The following ARAP2 variants were observed in gnomAD, a reference collection of about 807,000 sequenced individuals.
ARAP2 encodes ArfGAP with RhoGAP domain, ankyrin repeat and PH domain 2.
A neutral mutation model predicts 194.5 loss-of-function variants in ARAP2; 148 were observed. The ratio of observed to expected loss-of-function variants is 0.76; its 90% CI spans 0.67 to 0.87. The LOEUF (loss-of-function observed/expected upper bound fraction) is 0.87. Among genes scored for constraint, ARAP2 ranks in the 40% least tolerant of loss-of-function variants. The pLI is 0.00. For missense variants in ARAP2, 2,128 were observed against 1,989.7 expected (o/e 1.07, Z -1.32); for synonymous variants, 695 against 683.5 (o/e 1.02, Z -0.26).
chr4:36,055,511 G>C (rs41516250), intron 2 of ARAP2, among the ~76,000 whole-genome samples: 1,899 of 152,082 alleles, frequency 0.012, 44 homozygotes, highest in African/African-American at 0.043. Flanking sequence ...TCATAGTGTG[G>C]GAAGTGACTG....
At chr4:36,164,801 C>G (rs1734888215) in intron 11 of ARAP2, 113 bp downstream of exon 11, 1 of 1,005,178 alleles carries the variant, frequency 9.9e-7, no homozygotes, top group African/African-American at 1.6e-5. Flanking sequence ...AATAAGCTTT[C>G]TCTGGTTTTA....
intron 9 of ARAP2, among the ~76,000 whole-genome samples, chr4:36,171,684 AT>A (rs1277632841): frequency 6.6e-6 from 1 of 152,150 alleles, no homozygotes; most frequent in Non-Finnish European, 1.5e-5. Flanking sequence ...TAAAAAAAAA[AT>A]GTTTAAAAGA....
At chr4:36,180,681 A>G (rs557143661) in intron 8 of ARAP2, among the ~76,000 whole-genome samples, 137 of 152,202 alleles carry the variant, frequency 9.0e-4, no homozygotes, top group Non-Finnish European at 1.4e-3. Context: ...TATGGCTTTT[A>G]GATTACTGTT....
intron 8 of ARAP2, among the ~76,000 whole-genome samples, chr4:36,185,414 A>G (rs181589202): frequency 6.6e-5 from 10 of 152,262 alleles, no homozygotes; most frequent in Non-Finnish European, 1.3e-4. Flanking sequence ...TGGTGACATC[A>G]TAAACCACTA....
At chr4:36,145,862 C>A (rs1306653061) in intron 19 of ARAP2, among the ~76,000 whole-genome samples, 1 of 151,860 alleles carries the variant, frequency 6.6e-6, no homozygotes, top group African/African-American at 2.4e-5. Context: ...CCGTCCAGTT[C>A]CTTGGCAAAA....
intron 7 of ARAP2, among the ~76,000 whole-genome samples, chr4:36,192,974 C>A (rs1212711629): frequency 6.6e-6 from 1 of 152,024 alleles, no homozygotes; most frequent in East Asian, 1.9e-4. Context: ...CCAGCCTGGG[C>A]AACAGAGCAA....
At chr4:36,105,320 T>C (rs191752014) in intron 27 of ARAP2, among the ~76,000 whole-genome samples, 11 of 152,034 alleles carry the variant, frequency 7.2e-5, no homozygotes, top group Admixed American at 6.6e-4. Context: ...CAAGACTCCA[T>C]CTCAAAACAA....
At chr4:36,128,493 CACACACACACAT>C in intron 21 of ARAP2, 28 bp downstream of exon 21, 3 of 1,494,010 alleles carry the variant, frequency 2.0e-6, no homozygotes, top group Non-Finnish European at 2.8e-6. Context: ...CACACACACA[CACACACACACAT>C]ATCTACAAAT....
intron 9 of ARAP2, among the ~76,000 whole-genome samples, chr4:36,168,294 A>G (rs555684919): frequency 6.6e-6 from 1 of 152,240 alleles, no homozygotes; most frequent in African/African-American, 2.4e-5. Context: ...AGTAACTGCT[A>G]GAAGCACAGA....
intron 27 of ARAP2, among the ~76,000 whole-genome samples, chr4:36,092,751 G>A (rs1052356782): frequency 2.6e-5 from 4 of 151,848 alleles, no homozygotes; most frequent in African/African-American, 9.7e-5. Context: ...TTCTAATGTG[G>A]CTACTATACA....
At chr4:36,135,968 G>GA (rs940335274) in intron 19 of ARAP2, among the ~76,000 whole-genome samples, 2 of 151,772 alleles carry the variant, frequency 1.3e-5, no homozygotes, top group South Asian at 2.1e-4. Context: ...TTTCTAGTCA[G>GA]AAAAAAATCC....
chr4:36,240,739 A>T (rs937580466), intron 1 of ARAP2, among the ~76,000 whole-genome samples: 1 of 152,174 alleles, frequency 6.6e-6, no homozygotes, highest in Non-Finnish European at 1.5e-5. Context: ...CTCTGGGCAA[A>T]ATCATTTCAT....
At chr4:36,188,112 TA>T (rs562593462) in intron 7 of ARAP2, among the ~76,000 whole-genome samples, 7 of 152,212 alleles carry the variant, frequency 4.6e-5, no homozygotes, top group Admixed American at 1.3e-4. Flanking sequence ...GAATAAAGAA[TA>T]AAAAAAGACA....
intron 31 of ARAP2, among the ~76,000 whole-genome samples, chr4:36,077,636 A>G (rs1315280977): frequency 6.6e-6 from 1 of 152,092 alleles, no homozygotes. Flanking sequence ...CTGAGTTGAC[A>G]TCTTCTTTCC....
intron 22 of ARAP2, among the ~76,000 whole-genome samples, chr4:36,124,619 C>G (rs1349871996): frequency 6.6e-6 from 1 of 151,894 alleles, no homozygotes; most frequent in African/African-American, 2.4e-5. Context: ...TATTCTCCAG[C>G]TTCCAAACCA....
intron 9 of ARAP2, among the ~76,000 whole-genome samples, chr4:36,011,228 C>T (rs904989545): frequency 1.3e-5 from 2 of 152,000 alleles, no homozygotes; most frequent in Non-Finnish European, 2.9e-5. Context: ...AGCATCATTT[C>T]GCTCATCTAC....
At chr4:36,008,382 C>T (rs892798401) in intron 9 of ARAP2, among the ~76,000 whole-genome samples, 8 of 151,922 alleles carry the variant, frequency 5.3e-5, no homozygotes, top group African/African-American at 1.9e-4. Context: ...CCCAGAAATA[C>T]AGCCACATAC....
intron 5 of ARAP2, 129 bp downstream of exon 5, chr4:36,212,267 G>A (rs532539644): frequency 3.0e-6 from 2 of 661,346 alleles, no homozygotes; most frequent in East Asian, 2.8e-5. Flanking sequence ...TACATTTAGA[G>A]AGGAAAAAAT....
chr4:36,201,720 C>G lies in ARAP2; in HGVS notation c.1488-8073G>C, dbSNP rs144579402. Among the ~76,000 whole-genome samples, 246 of 151,962 alleles carry G rather than the reference C, an allele frequency of 1.6e-3. 1 individual carries two copies. The highest frequency in any genetic ancestry group is 5.8e-3 in the African/African-American group (240 of 41,478). ...TTTTTAACAACACTGTATACACACA[C>G]AATTAAATCTCTATTTATGAAGTAC... On this transcript the variant is annotated intron_variant, in intron 6 of 32. Coordinates refer to ENST00000303965, the MANE Select transcript of ARAP2 (RefSeq NM_015230.4).
Sources: gnomAD v4.1 joint callset for allele counts (sites outside exome capture counted in the v4.1 genomes callset) on GRCh38, gnomAD v4.1.1 for gene constraint, MANE v1.5 for transcripts, NCBI Gene and HGNC (gene_info 2026-07-23, HGNC 2026-07-21) for gene names.